Variants in SSX3 observed in about 807,000 individuals in gnomAD.
SSX3 encodes the protein protein SSX3.
Under a neutral mutation model 14.8 loss-of-function variants are expected in SSX3, and 6 were observed. The ratio of observed to expected loss-of-function variants is 0.41; its 90% CI spans 0.22 to 0.80. SSX3 has a LOEUF of 0.80. Ranked by LOEUF, SSX3 falls within the 30% of genes least tolerant of loss-of-function variation. SSX3 has a pLI of 0.34. For synonymous variants in SSX3, 55 were observed against 52.9 expected (o/e 1.04, Z -0.18); for missense variants, 163 against 152.2 (o/e 1.07, Z -0.37).
chrX:48,349,799 T>G lies in SSX3; in HGVS notation c.466+188A>C, dbSNP rs1384814323. 3.5e-6 allele frequency: 4 copies of G among 1,131,244 alleles called. No individual in the cohort carries two copies. The African/African-American group carries it at 5.5e-5, about 16-fold the overall frequency. The allele number at this position is 1,131,244 out of a possible 1,213,427, so 93.2% of individuals were successfully genotyped here. A position where few individuals can be genotyped will look rare whatever the true frequency, so the allele number is the denominator to read the frequency against. ...AGACTTTCCTCAAGTCACGTGGTTTTTTTTTATATGGATGACAACTCCAGT... is the reference window on the plus strand; with the variant it reads ...AGACTTTCCTCAAGTCACGTGGTTTGTTTTTATATGGATGACAACTCCAGT... On this transcript the variant is annotated intron_variant, in intron 6 of 7. Coordinates refer to ENST00000298396, the MANE Select transcript of SSX3 (RefSeq NM_021014.4).
At chrX:48,354,304 A>C (rs1233183171) in intron 3 of SSX3, among the ~76,000 whole-genome samples, 1 of 107,178 alleles carries the variant, frequency 9.3e-6, no homozygotes, top group Non-Finnish European at 1.9e-5. Context: ...AAAAAAAAGA[A>C]AGAGACAAGC....
chrX:48,355,561 TC>T (rs1556950871), intron 1 of SSX3, among the ~76,000 whole-genome samples: 2 of 110,620 alleles, frequency 1.8e-5, no homozygotes, highest in East Asian at 5.6e-4. Context: ...GAGCTAGGCT[TC>T]CCCTGAAAGA....
chrX:48,355,053 C>T (rs2061280571), intron 2 of SSX3, 128 bp downstream of exon 2: 16 of 1,202,592 alleles, frequency 1.3e-5, no homozygotes, highest in Non-Finnish European at 1.8e-5. Context: ...TGGGAGGCTC[C>T]CAAGGGTCCA....
At chrX:48,349,956 G>A in intron 6 of SSX3, 31 bp downstream of exon 6, 1 of 1,210,719 alleles carries the variant, frequency 8.3e-7, no homozygotes, top group Non-Finnish European at 1.1e-6. Context: ...AGGGAAGCCA[G>A]TGGGATTGTT....
chrX:48,352,093 T>C lies in SSX3; in HGVS notation c.330+7A>G, dbSNP rs1466538905. 2.7e-5 allele frequency: 32 copies of C among 1,206,750 alleles called. No homozygotes were observed. Among genetic ancestry groups the C allele is most frequent in the Non-Finnish European group, 3.4e-5 (30 of 892,339 alleles). ...TCTCTGGTCCTTTAGATCTGAAAGA[T>C]ACTCACCTTCGGGAAGATTCCCTGG... On this transcript the variant is annotated splice_region_variant and intron_variant, in intron 5 of 7. Transcript: ENST00000298396.
At chrX:48,355,469 T>C (rs2061282915) in intron 1 of SSX3, among the ~76,000 whole-genome samples, 200 bp from the exon 2 acceptor site, 1 of 111,044 alleles carries the variant, frequency 9.0e-6, no homozygotes, top group Admixed American at 9.6e-5. Flanking sequence ...GAAGTATTGA[T>C]AGGGGATGAC....
intron 4 of SSX3, 36 bp downstream of exon 4, chrX:48,353,963 G>T: frequency 8.5e-7 from 1 of 1,174,551 alleles, no homozygotes. Context: ...AATTGGGCTT[G>T]AGGAGACCCT....
chrX:48,349,301 GCAAC>G (rs782667262), intron 6 of SSX3: 47 of 356,668 alleles, frequency 1.3e-4, no homozygotes, highest in Non-Finnish European at 2.2e-4. Context: ...CCAATCTTCA[GCAAC>G]CACCACCTTG....
intron 4 of SSX3, among the ~76,000 whole-genome samples, chrX:48,353,271 G>A (rs1478066197): frequency 1.8e-5 from 2 of 110,772 alleles, no homozygotes; most frequent in African/African-American, 6.6e-5. Flanking sequence ...AGTCCAGTCG[G>A]ATCTCAACAT....
chrX:48,349,403 T>C (rs1351494047), intron 6 of SSX3: 1 of 819,603 alleles, frequency 1.2e-6, no homozygotes, highest in African/African-American at 2.1e-5. Context: ...TTGTTAGCAT[T>C]TTTAACAATG....
rs150016606 is a variant in SSX3, at chrX:48,354,056, G to C, written c.223C>G (p.Arg75Gly). ...AILPSFMRNK[R>G]VTDFQGNDFD... ...TCATTCCCCTGGAAGTCTGTGACCC[G>C]TTTATTACGCATGAAAGATGGGAGG... Residue 75 changes from arginine to glycine, a missense_variant, in exon 4 of 8, where the codon CGG becomes GGG. Physicochemically the swap from Arg to Gly is moderately radical, Grantham distance 125 (BLOSUM62 -2). Coordinates refer to ENST00000298396, the MANE Select transcript of SSX3 (RefSeq NM_021014.4). 11 of 1,206,569 alleles carry C rather than the reference G, an allele frequency of 9.1e-6. No individual in the cohort carries two copies. In the African/African-American group the frequency reaches 1.8e-4, roughly 19 times the overall value.
At chrX:48,353,182 A>C (rs2061270770) in intron 4 of SSX3, among the ~76,000 whole-genome samples, 1 of 107,854 alleles carries the variant, frequency 9.3e-6, no homozygotes, top group Non-Finnish European at 1.9e-5. Context: ...TTGATACATT[A>C]ACAGTGCTTA....
chrX:48,348,137 C>T, intron 6 of SSX3: 1 of 360,357 alleles, frequency 2.8e-6, no homozygotes, highest in Non-Finnish European at 4.8e-6. Context: ...GGTGTATATT[C>T]TTATGGGGTA....
At position 48,352,118 on chromosome X, in the gene SSX3, G is replaced by A; in HGVS notation, c.312C>T (p.Leu104=). ...TACTCACCTTCGGGAAGATTCCCTGGAGCCTGCCGAAAGTCATCTGAGGAC... is the reference window on the plus strand; with the variant it reads ...TACTCACCTTCGGGAAGATTCCCTGAAGCCTGCCGAAAGTCATCTGAGGAC... The part of the protein sequence containing the change: ...VQRPQMTFGR[L]QGIFPKIMPK... The change falls in exon 5 of 8, where the codon CTC becomes CTT. Residue 104 remains leucine (L), a synonymous_variant. Coordinates refer to ENST00000298396, the MANE Select transcript of SSX3 (RefSeq NM_021014.4). 1 of 1,209,930 alleles carries A rather than the reference G, an allele frequency of 8.3e-7. No individual in the cohort carries two copies. The highest frequency in any genetic ancestry group is 1.8e-5 in the South Asian group (1 of 56,958).
rs1556948962 is a variant in SSX3, at chrX:48,348,469, A to G, written c.467-865T>C. On this transcript the variant is annotated intron_variant, in intron 6 of 7. Transcript: ENST00000298396. ...ATTTCCTGAGACACAGCAATACTGA[A>G]ATGAGGATTATTAACAACCTTACAA... The G allele has an allele frequency of 1.8e-5, 9 of 513,155 alleles. 1 individual carries two copies. 42.3% of individuals were successfully genotyped at this position (513,155 alleles called of 1,213,427 possible). A position where few individuals can be genotyped will look rare whatever the true frequency, so the allele number is the denominator to read the frequency against.
intron 6 of SSX3, 119 bp downstream of exon 6, chrX:48,349,868 A>C: frequency 8.6e-7 from 1 of 1,160,066 alleles, no homozygotes. Context: ...GGAGCTGGGC[A>C]AGCTCCTCAG....
At chrX:48,354,284 AC>A (rs1268454927) in intron 3 of SSX3, among the ~76,000 whole-genome samples, 190 bp from the exon 4 acceptor site, 7 of 104,537 alleles carry the variant, frequency 6.7e-5, no homozygotes, top group African/African-American at 1.4e-4. Flanking sequence ...ACTGACTCAA[AC>A]AAAAAAAAAA....
chrX:48,355,341 G>A, intron 1 of SSX3, 72 bp from the exon 2 acceptor site: 1 of 986,088 alleles, frequency 1.0e-6, no homozygotes, highest in Non-Finnish European at 1.4e-6. Flanking sequence ...ATCAGTGAAG[G>A]CCGGCCACTC....
chrX:48,348,647 A>T (rs1376710654), intron 6 of SSX3, among the ~76,000 whole-genome samples: 1 of 110,457 alleles, frequency 9.1e-6, no homozygotes, highest in Non-Finnish European at 1.9e-5. Flanking sequence ...CTGTGAATGC[A>T]AAGAAAAGTT....
Sources: allele counts gnomAD v4.1 joint callset (sites outside exome capture counted in the v4.1 genomes callset), GRCh38; gene constraint gnomAD v4.1.1; transcripts MANE v1.5; gene names NCBI Gene and HGNC (gene_info 2026-07-23, HGNC 2026-07-21).